Variants in DNAAF10 observed in about 807,000 individuals in gnomAD.
The protein encoded by DNAAF10 is WD repeat domain 92.
A neutral mutation model predicts 43.7 loss-of-function variants in DNAAF10; 28 were observed. The observed-to-expected ratio is 0.64, with a 90% confidence interval of 0.48 to 0.88. The LOEUF is 0.88. Among genes scored for constraint, DNAAF10 ranks in the 40% least tolerant of loss-of-function variants. DNAAF10 has a pLI of 0.00. For synonymous variants in DNAAF10, 156 were observed against 157.3 expected (o/e 0.99, Z 0.06); for missense variants, 403 against 439.1 (o/e 0.92, Z 0.73).
At chr2:68,140,599 C>T (rs969117825) in intron 4 of DNAAF10, among the ~76,000 whole-genome samples, 2 of 152,170 alleles carry the variant, frequency 1.3e-5, no homozygotes, top group Non-Finnish European at 2.9e-5. Context: ...ATTCTCTGTA[C>T]CACTCATCAC....
intron 1 of DNAAF10, among the ~76,000 whole-genome samples, chr2:68,148,187 T>C (rs528960294): frequency 6.6e-6 from 1 of 152,118 alleles, no homozygotes; most frequent in African/African-American, 2.4e-5. Flanking sequence ...ACGTATGGGG[T>C]TTATGGAAAT....
rs571253611 is a variant in DNAAF10, at chr2:68,134,063, G to C, written c.866+639C>G. The C allele has an allele frequency of 3.4e-6, 3 of 894,886 alleles. No individual in the cohort carries two copies. In the East Asian group the frequency reaches 3.6e-4, roughly 107 times the overall value. 55.4% of individuals were successfully genotyped at this position (894,886 alleles called of 1,614,324 possible). On this transcript the variant is annotated intron_variant, in intron 7 of 7. Coordinates refer to ENST00000295121, the MANE Select transcript of DNAAF10 (RefSeq NM_138458.4). Reference sequence around the variant, plus strand: ...AAGTACATATTGCTTAGCTAATAAAGTATTCAGAAATACCATTAACTCACA... The same window carrying C: ...AAGTACATATTGCTTAGCTAATAAACTATTCAGAAATACCATTAACTCACA...
chr2:68,139,885 T>A (rs1393236643), intron 4 of DNAAF10, among the ~76,000 whole-genome samples: 2 of 151,946 alleles, frequency 1.3e-5, no homozygotes, highest in African/African-American at 4.8e-5. Flanking sequence ...CACAAAGGGG[T>A]CTCAGAGAAT....
chr2:68,155,960 G>C (rs775442193), intron 1 of DNAAF10, among the ~76,000 whole-genome samples: 3 of 151,620 alleles, frequency 2.0e-5, no homozygotes, highest in Non-Finnish European at 2.9e-5. Context: ...AAAATAAAAA[G>C]TACAAAAAAA....
chr2:68,136,037 G>C (rs1301502155), intron 6 of DNAAF10, among the ~76,000 whole-genome samples: 2 of 150,122 alleles, frequency 1.3e-5, no homozygotes, highest in Non-Finnish European at 3.0e-5. Flanking sequence ...AACACAGCAA[G>C]ACTCTGACTC....
At chr2:68,155,094 A>G (rs141833539) in intron 1 of DNAAF10, among the ~76,000 whole-genome samples, 1 of 152,058 alleles carries the variant, frequency 6.6e-6, no homozygotes, top group East Asian at 1.9e-4. Flanking sequence ...AAAAAGTCAC[A>G]GGTCTAAGCC....
chr2:68,134,846 C>T, intron 6 of DNAAF10, 47 bp from the exon 7 acceptor site: 1 of 1,600,154 alleles, frequency 6.2e-7, no homozygotes. Context: ...CTAAATGGTG[C>T]CCTGGAAGAG....
At chr2:68,157,183 C>G (rs369678906) in intron 1 of DNAAF10, 78 bp downstream of exon 1, 5 of 1,517,710 alleles carry the variant, frequency 3.3e-6, no homozygotes, top group African/African-American at 1.4e-5. Flanking sequence ...TGGGCGAAGG[C>G]TCTGGCAAAG....
chr2:68,147,752 G>A (rs964295252), intron 1 of DNAAF10, among the ~76,000 whole-genome samples, 185 bp from the exon 2 acceptor site: 1 of 152,026 alleles, frequency 6.6e-6, no homozygotes, highest in Non-Finnish European at 1.5e-5. Context: ...ATATGTAACT[G>A]TCAAAAAGAA....
intron 3 of DNAAF10, 77 bp downstream of exon 3, chr2:68,144,508 A>G: frequency 6.4e-7 from 1 of 1,558,594 alleles, no homozygotes; most frequent in South Asian, 1.2e-5. Flanking sequence ...GGGATTTTTT[A>G]CTCAGAGAGG....
rs1673110083 is a variant in DNAAF10 at position 68,138,911 on chromosome 2, C to G, written c.518-54G>C. 3 of 1,308,134 alleles carry G rather than the reference C, an allele frequency of 2.3e-6. No homozygotes were observed. In the East Asian group the frequency reaches 6.9e-5, roughly 30 times the overall value. The allele number at this position is 1,308,134 out of a possible 1,614,324, so 81.0% of individuals were successfully genotyped here. The stretch of plus-strand genomic sequence containing the variant: ...CCTTATAAATGCATCCTTATAAAGG[C>G]TGCTTTAAAAAAGTCTTATGAAACT... On this transcript the variant is annotated intron_variant, in intron 4 of 7. Coordinates refer to ENST00000295121, the MANE Select transcript of DNAAF10 (RefSeq NM_138458.4).
chr2:68,157,078 G>T, intron 1 of DNAAF10, 183 bp downstream of exon 1: 1 of 861,388 alleles, frequency 1.2e-6, no homozygotes, highest in East Asian at 2.7e-5. Flanking sequence ...GAACTACCCC[G>T]CGGATGAGAA....
At chr2:68,143,490 T>A (rs946916015) in intron 3 of DNAAF10, among the ~76,000 whole-genome samples, 3 of 152,108 alleles carry the variant, frequency 2.0e-5, no homozygotes, top group Admixed American at 6.5e-5. Flanking sequence ...ATAAATTTTT[T>A]AAAAAATCAT....
intron 7 of DNAAF10, 79 bp downstream of exon 7, chr2:68,134,623 A>C (rs1672993551): frequency 1.3e-6 from 2 of 1,570,546 alleles, no homozygotes; most frequent in Admixed American, 4.5e-5. Flanking sequence ...CAGGAAAAAA[A>C]AGAAAAAAAA....
chr2:68,149,620 T>C (rs1673406707), intron 1 of DNAAF10, among the ~76,000 whole-genome samples: 1 of 152,242 alleles, frequency 6.6e-6, no homozygotes, highest in African/African-American at 2.4e-5. Flanking sequence ...AGGCAATTTA[T>C]GTTTTCCTCA....
chr2:68,139,152 T>C (rs1253069177), intron 4 of DNAAF10, among the ~76,000 whole-genome samples: 1 of 152,132 alleles, frequency 6.6e-6, no homozygotes, highest in Admixed American at 6.6e-5. Context: ...AGGTGCTGGG[T>C]CATGGGGCTG....
chr2:68,139,838 A>G (rs1010892363), intron 4 of DNAAF10, among the ~76,000 whole-genome samples: 1 of 152,020 alleles, frequency 6.6e-6, no homozygotes, highest in Admixed American at 6.6e-5. Flanking sequence ...GCTTTCTACT[A>G]TATCTGCAAA....
At position 68,157,410 on chromosome 2, in the gene DNAAF10, G is replaced by T; in HGVS notation, c.34C>A (p.His12Asn). Reference sequence around the variant, plus strand: ...GTGTAGTTGAAGCCCTTCTGGATATGGGCGATGATCTGAGGCTTCTCGAAG... The same window carrying T: ...GTGTAGTTGAAGCCCTTCTGGATATTGGCGATGATCTGAGGCTTCTCGAAG... ...SAFEKPQIIAHIQKGFNYTVF... is the reference protein window; with the variant it reads ...SAFEKPQIIANIQKGFNYTVF... The change falls in exon 1 of 8, where the codon CAT becomes AAT. Residue 12 changes from histidine (H) to asparagine (N), a missense_variant. By Grantham distance (68) the His-to-Asn change is moderately conservative (BLOSUM62 1). Coordinates refer to ENST00000295121, the MANE Select transcript of DNAAF10 (RefSeq NM_138458.4). 2 of 1,614,192 alleles carry T rather than the reference G, an allele frequency of 1.2e-6. No homozygotes were observed. The highest frequency in any genetic ancestry group is 1.1e-5 in the South Asian group (1 of 91,086).
At chr2:68,153,506 G>C (rs959482560) in intron 1 of DNAAF10, among the ~76,000 whole-genome samples, 1 of 151,826 alleles carries the variant, frequency 6.6e-6, no homozygotes, top group Non-Finnish European at 1.5e-5. Flanking sequence ...ATCACCTTGC[G>C]GAAGTTTAAA....
Sources: allele counts gnomAD v4.1 joint callset (sites outside exome capture counted in the v4.1 genomes callset), GRCh38; gene constraint gnomAD v4.1.1; transcripts MANE v1.5; gene names NCBI Gene and HGNC (gene_info 2026-07-23, HGNC 2026-07-21).